The following OLA1 variants were observed in gnomAD, a reference collection of about 807,000 sequenced individuals.
OLA1 encodes obg-like ATPase 1.
OLA1 carries 14 observed loss-of-function variants against 48.4 expected under a neutral mutation model. The observed-to-expected ratio is 0.29, with a 90% CI of 0.19 to 0.45. The LOEUF (loss-of-function observed/expected upper bound fraction) is 0.45. OLA1 is among the 20% of genes least tolerant of loss of function. The pLI, the probability that OLA1 is intolerant of heterozygous loss-of-function variation, is 1.00. For missense variants in OLA1, 325 were observed against 467.1 expected (o/e 0.70, Z 2.80); for synonymous variants, 127 against 150.4 (o/e 0.84, Z 1.14).
intron 4 of OLA1, among the ~76,000 whole-genome samples, chr2:174,163,713 T>TAAATAA (rs1558984399): frequency 2.1e-4 from 1 of 4,718 alleles, no homozygotes; most frequent in Admixed American, 3.4e-3. Flanking sequence ...AATAAATAAA[T>TAAATAA]ATATATATAT....
chr2:174,105,691 A>G (rs1029210534), intron 7 of OLA1, among the ~76,000 whole-genome samples: 8 of 152,046 alleles, frequency 5.3e-5, no homozygotes, highest in African/African-American at 1.9e-4. Flanking sequence ...CTGTTTGCTG[A>G]TAAGTTTACT....
chr2:174,242,303 G>A (rs553325048), intron 2 of OLA1, among the ~76,000 whole-genome samples: 2 of 152,132 alleles, frequency 1.3e-5, no homozygotes, highest in Non-Finnish European at 2.9e-5. Context: ...CATAAGGAGC[G>A]TGCAACCTAG....
chr2:174,089,756 T>C (rs114899622), intron 7 of OLA1, among the ~76,000 whole-genome samples: 20,931 of 151,564 alleles, frequency 0.14, 1,813 homozygotes, highest in Non-Finnish European at 0.2. Flanking sequence ...ACAAAAATTA[T>C]CCAGGCATGG....
intron 4 of OLA1, among the ~76,000 whole-genome samples, chr2:174,144,352 C>G (rs184926216): frequency 6.6e-6 from 1 of 151,786 alleles, no homozygotes; most frequent in East Asian, 1.9e-4. Context: ...TGGTAACATA[C>G]CATAAGTAGA....
At chr2:174,150,943 G>A (rs1023223117) in intron 4 of OLA1, among the ~76,000 whole-genome samples, 1 of 152,268 alleles carries the variant, frequency 6.6e-6, no homozygotes, top group African/African-American at 2.4e-5. Context: ...AGAAAGGCAT[G>A]ACAAGCAACA....
At chr2:174,234,204 C>A (rs1455422747) in intron 2 of OLA1, among the ~76,000 whole-genome samples, 1 of 152,162 alleles carries the variant, frequency 6.6e-6, no homozygotes, top group Non-Finnish European at 1.5e-5. Flanking sequence ...ATAGTAGCTA[C>A]GTTTTCTCTT....
chr2:174,228,884 T>G (rs1053713011), intron 3 of OLA1, among the ~76,000 whole-genome samples: 8 of 152,212 alleles, frequency 5.3e-5, no homozygotes, highest in Non-Finnish European at 1.0e-4. Flanking sequence ...TCTGCATTAC[T>G]TTTTTCTTTT....
chr2:174,144,513 G>A (rs1013027015), intron 4 of OLA1, among the ~76,000 whole-genome samples: 4 of 152,070 alleles, frequency 2.6e-5, no homozygotes, highest in African/African-American at 7.2e-5. Flanking sequence ...GTGGCCATTT[G>A]GGTAACTTCT....
rs565318024 is a variant in OLA1, at chr2:174,072,944, T to G, written c.*2482A>C. 6.6e-6 allele frequency: 1 copy of G among 152,334 alleles called. No homozygotes were observed. The highest frequency in any genetic ancestry group is 1.9e-4 in the East Asian group (1 of 5,180). 9.4% of individuals were successfully genotyped at this position (152,334 alleles called of 1,614,324 possible). A position where few individuals can be genotyped will look rare whatever the true frequency, so the allele number is the denominator to read the frequency against. On this transcript the variant is annotated 3_prime_UTR_variant, in exon 11 of 11. Transcript: ENST00000284719. ...ATGATAAAACACAACTAAATGCTAT[T>G]ACAATCTTTCTTCAAGCTTTGGGCA...
chr2:174,239,561 G>A (rs1688945610), intron 2 of OLA1, among the ~76,000 whole-genome samples: 1 of 151,890 alleles, frequency 6.6e-6, no homozygotes. Flanking sequence ...TGTGTTCCAG[G>A]TTAAAGGAAA....
At chr2:174,111,302 G>T (rs1685643091) in intron 7 of OLA1, among the ~76,000 whole-genome samples, 1 of 152,096 alleles carries the variant, frequency 6.6e-6, no homozygotes, top group South Asian at 2.1e-4. Context: ...AAAACTCCTT[G>T]TCTACTTTTG....
At chr2:174,127,662 G>A (rs1686073888) in intron 5 of OLA1, among the ~76,000 whole-genome samples, 1 of 151,902 alleles carries the variant, frequency 6.6e-6, no homozygotes, top group Admixed American at 6.6e-5. Flanking sequence ...CTTTTCAAAG[G>A]GATCCATAAT....
chr2:174,208,054 T>G (rs532382943), intron 4 of OLA1, among the ~76,000 whole-genome samples: 8 of 152,182 alleles, frequency 5.3e-5, no homozygotes, highest in Non-Finnish European at 1.0e-4. Flanking sequence ...GCAAAGGACA[T>G]TAAGGCTCAT....
intron 2 of OLA1, among the ~76,000 whole-genome samples, chr2:174,242,256 T>G (rs1039489002): frequency 6.6e-6 from 1 of 152,210 alleles, no homozygotes; most frequent in Non-Finnish European, 1.5e-5. Flanking sequence ...AGGATGAAAC[T>G]GCCCCATTTT....
intron 4 of OLA1, among the ~76,000 whole-genome samples, chr2:174,193,972 G>A (rs1446137305): frequency 6.6e-6 from 1 of 152,064 alleles, no homozygotes; most frequent in East Asian, 1.9e-4. Flanking sequence ...TGTGGGCCCC[G>A]CATATTCCTG....
intron 4 of OLA1, among the ~76,000 whole-genome samples, chr2:174,155,857 A>G (rs552369079): frequency 6.6e-6 from 1 of 152,318 alleles, no homozygotes; most frequent in Admixed American, 6.5e-5. Flanking sequence ...AAAGGGACGC[A>G]GAGAGTAAAG....
intron 2 of OLA1, among the ~76,000 whole-genome samples, chr2:174,230,156 G>A (rs1015070253): frequency 2.0e-5 from 3 of 151,988 alleles, no homozygotes; most frequent in African/African-American, 7.3e-5. Context: ...TTTAAAAAAT[G>A]TGATAACACT....
chr2:174,169,519 G>GA (rs1037971920), intron 4 of OLA1, among the ~76,000 whole-genome samples: 7 of 151,906 alleles, frequency 4.6e-5, no homozygotes, highest in African/African-American at 9.6e-5. Flanking sequence ...TTAAAGTGCA[G>GA]AAAAAAAATT....
intron 1 of OLA1, chr2:174,247,722 C>A (rs952293382): frequency 2.6e-6 from 4 of 1,551,100 alleles, no homozygotes; most frequent in Non-Finnish European, 3.5e-6. Context: ...ACTGAAGGTA[C>A]GGCTCATCAG....
Sources: allele counts gnomAD v4.1 joint callset (sites outside exome capture counted in the v4.1 genomes callset), GRCh38; gene constraint gnomAD v4.1.1; transcripts MANE v1.5; gene names NCBI Gene and HGNC (gene_info 2026-07-23, HGNC 2026-07-21).